Variants in SEPTIN11 observed in about 807,000 individuals in gnomAD.
SEPTIN11 encodes the protein septin 11, also known as septin-11.
A neutral mutation model predicts 51.4 loss-of-function variants in SEPTIN11; 25 were observed. That is an observed-to-expected ratio of 0.49 (90% CI 0.35 to 0.68). SEPTIN11 has a LOEUF of 0.68. Ranked by LOEUF, SEPTIN11 falls within the 30% of genes least tolerant of loss-of-function variation. The pLI, the probability that SEPTIN11 is intolerant of heterozygous loss-of-function variation, is 0.00. For missense variants in SEPTIN11, 381 were observed against 520.8 expected, an observed-to-expected ratio of 0.73 and a Z score of 2.61; for synonymous variants, 174 against 184.1, an observed-to-expected ratio of 0.95 and a Z score of 0.44.
intron 7 of SEPTIN11, 44 bp downstream of exon 7, chr4:77,020,714 A>C (rs1560741029): frequency 6.3e-7 from 1 of 1,575,444 alleles, no homozygotes; most frequent in Admixed American, 1.7e-5. Flanking sequence ...GACAGTGGCG[A>C]GAGTGGCATG....
chr4:77,035,977 A>ATT lies in SEPTIN11; in HGVS notation c.*1466_*1467dup. 1 of 985,856 alleles carries ATT rather than the reference A, an allele frequency of 1.0e-6. No homozygotes were observed. Among genetic ancestry groups the ATT allele is most frequent in the Non-Finnish European group, 1.2e-6 (1 of 829,952 alleles). The allele number at this position is 985,856 out of a possible 1,614,324, so 61.1% of individuals were successfully genotyped here. The stretch of plus-strand genomic sequence containing the variant: ...TCTGCATTTTCCTCACTGGTTAGAG[A>ATT]TTAAGTAAATAGGATAGAATATGCT... On this transcript the variant is annotated 3_prime_UTR_variant, in exon 10 of 10. Coordinates refer to ENST00000264893, the MANE Select transcript of SEPTIN11 (RefSeq NM_018243.4).
At chr4:76,986,322 C>T (rs763687377) in intron 1 of SEPTIN11, among the ~76,000 whole-genome samples, 17 of 151,838 alleles carry the variant, frequency 1.1e-4, no homozygotes, top group Admixed American at 5.2e-4. Context: ...TGAGTTCCAC[C>T]GAGATGTTGG....
chr4:76,975,147 A>AAAG (rs1386118276), intron 1 of SEPTIN11, among the ~76,000 whole-genome samples: 2 of 152,008 alleles, frequency 1.3e-5, no homozygotes, highest in African/African-American at 2.4e-5. Flanking sequence ...AAAAAAAAAA[A>AAAG]AAAGAAATGT....
At position 77,036,407 on chromosome 4, in the gene SEPTIN11, T is replaced by C. The variant is rs1270727758; in HGVS notation, c.*1895T>C. 8 of 1,124,196 alleles carry C rather than the reference T, an allele frequency of 7.1e-6. No homozygotes were observed. Among genetic ancestry groups the C allele is most frequent in the African/African-American group, 3.4e-5 (2 of 59,474 alleles). 69.6% of individuals were successfully genotyped at this position (1,124,196 alleles called of 1,614,324 possible). ...CAGACAAAAGCTTGAATATTTGTGT[T>C]GTATGCTTGTTCCAACCACCGCTTG... On this transcript the variant is annotated 3_prime_UTR_variant, in exon 10 of 10. Transcript: ENST00000264893.
At chr4:76,957,011 A>T (rs1278599617) in intron 1 of SEPTIN11, among the ~76,000 whole-genome samples, 21 of 59,718 alleles carry the variant, frequency 3.5e-4, no homozygotes, top group African/African-American at 4.0e-4. Context: ...AGAGAGACAG[A>T]GACAGAGACA....
chr4:76,983,169 A>G (rs889948223), intron 1 of SEPTIN11, among the ~76,000 whole-genome samples: 2 of 152,194 alleles, frequency 1.3e-5, no homozygotes, highest in African/African-American at 4.8e-5. Context: ...TGTCGTTTAG[A>G]AATGGAGATT....
At chr4:76,958,193 G>A (rs556347720) in intron 1 of SEPTIN11, among the ~76,000 whole-genome samples, 4 of 152,172 alleles carry the variant, frequency 2.6e-5, no homozygotes, top group South Asian at 4.2e-4. Flanking sequence ...TGTAGACCTC[G>A]CAAGTCCACT....
rs113198736 is a variant in SEPTIN11 at position 76,992,892 on chromosome 4, C to A, written c.28-3533C>A. Among the ~76,000 whole-genome samples the A allele has an allele frequency of 2.4e-3, 368 of 152,264 alleles. 3 individuals carry two copies. Among genetic ancestry groups the A allele is most frequent in the African/African-American group, 8.0e-3 (334 of 41,542 alleles). ...CTGGGTTTGTCCCAAGAAGAGTGGT[C>A]ATTTAATTTAACTGCAGTGTAAGGT... On this transcript the variant is annotated intron_variant, in intron 1 of 9. Transcript: ENST00000264893.
chr4:77,036,021 ACT>A lies in SEPTIN11; in HGVS notation c.*1510_*1511del. ...ATATGCTGCGTCTCCCCTGACACAC[ACT>A]TTCTTTTTTGAATGAGCAAGTCTCC... On this transcript the variant is annotated 3_prime_UTR_variant, in exon 10 of 10. Coordinates refer to ENST00000264893, the MANE Select transcript of SEPTIN11 (RefSeq NM_018243.4). 1.0e-6 allele frequency: 1 copy of A among 985,860 alleles called. No homozygotes were observed. 61.1% of individuals were successfully genotyped at this position (985,860 alleles called of 1,614,324 possible).
chr4:76,965,450 C>CAA (rs56828579), intron 1 of SEPTIN11, among the ~76,000 whole-genome samples: 13 of 77,308 alleles, frequency 1.7e-4, no homozygotes, highest in African/African-American at 3.9e-4. Flanking sequence ...GACTCCATTT[C>CAA]AAAAAAAAAA....
intron 1 of SEPTIN11, among the ~76,000 whole-genome samples, chr4:76,978,110 G>C (rs1216304211): frequency 1.3e-5 from 2 of 152,216 alleles, no homozygotes; most frequent in Non-Finnish European, 2.9e-5. Context: ...GAGTGTGAGA[G>C]AGAGTAAGAG....
chr4:77,013,667 G>C (rs1349114199), intron 4 of SEPTIN11, among the ~76,000 whole-genome samples: 2 of 152,178 alleles, frequency 1.3e-5, no homozygotes, highest in African/African-American at 4.8e-5. Context: ...CTTAGGAGCA[G>C]GTTGAGGAAT....
chr4:77,033,704 G>T (rs1162248610), intron 9 of SEPTIN11, among the ~76,000 whole-genome samples: 2 of 152,144 alleles, frequency 1.3e-5, no homozygotes, highest in Non-Finnish European at 2.9e-5. Flanking sequence ...CTGCACAATT[G>T]CCAGCAGGCA....
chr4:77,039,123 G>A, downstream of SEPTIN11: 2 of 1,288,728 alleles, frequency 1.6e-6, no homozygotes, highest in Non-Finnish European at 2.0e-6. Context: ...TCTCCTAATG[G>A]ACATAGAGCA....
chr4:77,034,627 C>A lies in SEPTIN11; in HGVS notation c.*115C>A. ...TTTATTTTATTTTTTTACCCTTCCT[C>A]AAACACCAGTAACTATTATTAACTC... On this transcript the variant is annotated 3_prime_UTR_variant, in exon 10 of 10. Coordinates refer to ENST00000264893, the MANE Select transcript of SEPTIN11 (RefSeq NM_018243.4). The A allele has an allele frequency of 7.2e-7, 1 of 1,381,076 alleles. No homozygotes were observed. The highest frequency in any genetic ancestry group is 9.4e-7 in the Non-Finnish European group (1 of 1,067,834). 85.6% of individuals were successfully genotyped at this position (1,381,076 alleles called of 1,614,324 possible).
intron 2 of SEPTIN11, among the ~76,000 whole-genome samples, chr4:76,996,863 C>T (rs1233505055): frequency 6.7e-6 from 1 of 149,586 alleles, no homozygotes; most frequent in Non-Finnish European, 1.5e-5. Flanking sequence ...TGGTATTTTT[C>T]TTCACCCCTC....
Position 77,038,149 on chromosome 4 carries a change from AG to A in SEPTIN11, c.*3639del, listed in dbSNP as rs1181683432. 2.2e-4 allele frequency: 219 copies of A among 985,816 alleles called. No individual in the cohort carries two copies. Among genetic ancestry groups the A allele is most frequent in the Non-Finnish European group, 2.6e-4 (214 of 829,954 alleles). The allele number at this position is 985,816 out of a possible 1,614,324, so 61.1% of individuals were successfully genotyped here. ...TTCGAAAAGTCCTGGTTCCACTGAC[AG>A]GACACATTCTTTAGTGGGAATTAAG... On this transcript the variant is annotated 3_prime_UTR_variant, in exon 10 of 10. Transcript: ENST00000264893.
At chr4:77,003,083 T>G (rs376564378) in intron 2 of SEPTIN11, among the ~76,000 whole-genome samples, 2 of 152,236 alleles carry the variant, frequency 1.3e-5, no homozygotes, top group African/African-American at 4.8e-5. Flanking sequence ...TCATGGTTTC[T>G]GCTTACTTAC....
At chr4:77,023,330 TTA>T (rs1725874459) in intron 7 of SEPTIN11, among the ~76,000 whole-genome samples, 1 of 146,704 alleles carries the variant, frequency 6.8e-6, no homozygotes, top group East Asian at 2.0e-4. Flanking sequence ...TATATATTAA[TTA>T]TATCATATAT....
Sources: gnomAD v4.1 joint callset for allele counts (sites outside exome capture counted in the v4.1 genomes callset) on GRCh38, gnomAD v4.1.1 for gene constraint, MANE v1.5 for transcripts, NCBI Gene and HGNC (gene_info 2026-07-23, HGNC 2026-07-21) for gene names.